The following CNBD1 variants were observed in gnomAD, a reference collection of about 807,000 sequenced individuals.
CNBD1 encodes the protein cyclic nucleotide-binding domain-containing protein 1.
A neutral mutation model predicts 54.4 loss-of-function variants in CNBD1; 71 were observed. The ratio of observed to expected loss-of-function variants is 1.30; its 90% CI spans 1.08 to 1.59. The LOEUF is 1.59. Ranked by LOEUF, CNBD1 falls within the 40% of genes most tolerant of loss-of-function variation. CNBD1 has a pLI of 0.00. For synonymous variants in CNBD1, 182 were observed against 170.7 expected (o/e 1.07, Z -0.51); for missense variants, 659 against 518.0 (o/e 1.27, Z -2.64).
At chr8:86,985,553 A>G (rs1459301649) in intron 4 of CNBD1, among the ~76,000 whole-genome samples, 1 of 152,200 alleles carries the variant, frequency 6.6e-6, no homozygotes, top group African/African-American at 2.4e-5. Flanking sequence ...TGTTGCTACA[A>G]ATGACATGGT....
chr8:87,187,480 T>TTA (rs1363670967), intron 4 of CNBD1, among the ~76,000 whole-genome samples: 3 of 151,896 alleles, frequency 2.0e-5, no homozygotes, highest in African/African-American at 7.2e-5. Flanking sequence ...CTTTTTTTTT[T>TTA]TTTGGCTAGC....
At chr8:87,045,080 G>C (rs1346782634) in intron 4 of CNBD1, among the ~76,000 whole-genome samples, 1 of 152,192 alleles carries the variant, frequency 6.6e-6, no homozygotes, top group African/African-American at 2.4e-5. Flanking sequence ...ATGGAGAGGG[G>C]TGTTGTGTCG....
At chr8:87,383,226 TAAC>T (rs920427400), downstream of CNBD1, among the ~76,000 whole-genome samples, 1 of 152,062 alleles carries the variant, frequency 6.6e-6, no homozygotes, top group Non-Finnish European at 1.5e-5. Flanking sequence ...ATTTAAAAAA[TAAC>T]AATAGAAATG....
intron 8 of CNBD1, among the ~76,000 whole-genome samples, chr8:87,294,336 G>A (rs1808837170): frequency 6.6e-6 from 1 of 152,250 alleles, no homozygotes; most frequent in African/African-American, 2.4e-5. Context: ...GGATGTTCTG[G>A]TTTTTCAGAT....
At chr8:87,294,554 A>G (rs548567302) in intron 8 of CNBD1, among the ~76,000 whole-genome samples, 1 of 152,280 alleles carries the variant, frequency 6.6e-6, no homozygotes, top group South Asian at 2.1e-4. Context: ...CACTATTTAT[A>G]TATGTTCAGA....
chr8:86,977,680 T>C (rs1241570401), intron 4 of CNBD1, among the ~76,000 whole-genome samples: 1 of 152,044 alleles, frequency 6.6e-6, no homozygotes, highest in Non-Finnish European at 1.5e-5. Flanking sequence ...CTTTGAAGAC[T>C]GAATCATGAA....
At chr8:87,159,568 T>A (rs1345869221) in intron 4 of CNBD1, among the ~76,000 whole-genome samples, 1 of 152,078 alleles carries the variant, frequency 6.6e-6, no homozygotes, top group East Asian at 1.9e-4. Flanking sequence ...TGGGGCATGA[T>A]AAATCTGTGT....
chr8:87,423,324 T>G (rs1161066704), intron 2 of CNBD1, among the ~76,000 whole-genome samples: 1 of 147,666 alleles, frequency 6.8e-6, no homozygotes, highest in Non-Finnish European at 1.5e-5. Flanking sequence ...TGAATAGGAG[T>G]GGTGAGAGAG....
intron 4 of CNBD1, among the ~76,000 whole-genome samples, chr8:86,972,932 C>T (rs892752197): frequency 6.6e-6 from 1 of 152,200 alleles, no homozygotes; most frequent in South Asian, 2.1e-4. Context: ...GGCTTACAGA[C>T]AACTTCTTGC....
chr8:87,418,272 A>G (rs1807868635), intron 2 of CNBD1, among the ~76,000 whole-genome samples: 1 of 152,012 alleles, frequency 6.6e-6, no homozygotes, highest in African/African-American at 2.4e-5. Flanking sequence ...CAAGAACACC[A>G]AGACAATTTC....
intron 8 of CNBD1, among the ~76,000 whole-genome samples, chr8:87,314,145 C>A (rs572015222): frequency 6.6e-6 from 1 of 151,386 alleles, no homozygotes; most frequent in South Asian, 2.1e-4. Flanking sequence ...GGAGCTAAAA[C>A]TGACAAAGAT....
chr8:87,152,945 T>G (rs1289870383), intron 4 of CNBD1, among the ~76,000 whole-genome samples: 1 of 152,104 alleles, frequency 6.6e-6, no homozygotes, highest in Non-Finnish European at 1.5e-5. Context: ...CAAAACAATT[T>G]CCAGTAAATA....
chr8:87,177,341 C>A (rs990242000), intron 4 of CNBD1, among the ~76,000 whole-genome samples: 3 of 151,942 alleles, frequency 2.0e-5, no homozygotes, highest in Admixed American at 1.3e-4. Context: ...GGTTTTATTC[C>A]CAAGGAATCT....
chr8:87,402,288 G>C (rs895672566), intron 2 of CNBD1, among the ~76,000 whole-genome samples: 2 of 151,930 alleles, frequency 1.3e-5, no homozygotes, highest in Non-Finnish European at 2.9e-5. Context: ...TATAAGTCAA[G>C]ATGAGATTTG....
chr8:87,246,433 T>C (rs1341034015), intron 6 of CNBD1, among the ~76,000 whole-genome samples: 2 of 152,204 alleles, frequency 1.3e-5, no homozygotes, highest in Admixed American at 1.3e-4. Flanking sequence ...TTCTCGAGAC[T>C]GAAAACCATT....
chr8:86,964,830 C>T (rs1328478126), intron 4 of CNBD1, among the ~76,000 whole-genome samples: 1 of 152,110 alleles, frequency 6.6e-6, no homozygotes, highest in African/African-American at 2.4e-5. Flanking sequence ...GAGATGGTCA[C>T]TAGGAAGGCT....
At chr8:87,392,880 A>G (rs554029968) in intron 2 of CNBD1, among the ~76,000 whole-genome samples, 2 of 152,046 alleles carry the variant, frequency 1.3e-5, no homozygotes, top group South Asian at 4.1e-4. Flanking sequence ...TAGCTTGGGA[A>G]TATTGAAGGC....
At chr8:87,128,441 C>T (rs1402581747) in intron 4 of CNBD1, among the ~76,000 whole-genome samples, 2 of 152,186 alleles carry the variant, frequency 1.3e-5, no homozygotes, top group African/African-American at 2.4e-5. Context: ...GGTGGCTGAA[C>T]AGATGAGCCA....
chr8:86,905,011 G>C (rs1808994869), intron 2 of CNBD1, 70 bp from the exon 3 acceptor site: 1 of 848,734 alleles, frequency 1.2e-6, no homozygotes, highest in Non-Finnish European at 1.9e-6. Flanking sequence ...TATATATTGA[G>C]TTAAAAATCT....
Sources: allele counts gnomAD v4.1 joint callset (sites outside exome capture counted in the v4.1 genomes callset), GRCh38; gene constraint gnomAD v4.1.1; transcripts MANE v1.5; gene names NCBI Gene and HGNC (gene_info 2026-07-23, HGNC 2026-07-21).